Variants in NSD2 observed in about 807,000 individuals in gnomAD.
NSD2 encodes histone-lysine N-methyltransferase NSD2.
NSD2 carries 12 observed loss-of-function variants against 139.0 expected under a neutral mutation model. The ratio of observed to expected loss-of-function variants is 0.09; its 90% CI spans 0.06 to 0.14. The LOEUF (loss-of-function observed/expected upper bound fraction) is 0.14, where lower values mean the gene tolerates loss of function less well. Ranked by LOEUF, NSD2 falls within the 10% of genes least tolerant of loss-of-function variation. NSD2 has a pLI of 1.00. For synonymous variants in NSD2, 669 were observed against 648.7 expected (o/e 1.03, Z -0.48); for missense variants, 1,155 against 1,745.0 (o/e 0.66, Z 6.02).
At chr4:1,883,118 G>A (rs1714824689) in intron 1 of NSD2, among the ~76,000 whole-genome samples, 1 of 152,192 alleles carries the variant, frequency 6.6e-6, no homozygotes, top group African/African-American at 2.4e-5. Flanking sequence ...TCTGGTGCCA[G>A]TGATAGCCCT....
At chr4:1,906,621 G>A (rs529677725) in intron 3 of NSD2, among the ~76,000 whole-genome samples, 1 of 145,332 alleles carries the variant, frequency 6.9e-6, no homozygotes, top group East Asian at 2.1e-4. Flanking sequence ...CTGACATTCA[G>A]ATATACTGCC....
intron 6 of NSD2, 80 bp downstream of exon 6, chr4:1,930,850 G>T: frequency 6.7e-7 from 1 of 1,491,232 alleles, no homozygotes. Flanking sequence ...TCTTGGAACC[G>T]TAGGGAAGTG....
chr4:1,950,891 G>A (rs1041272127), intron 9 of NSD2, among the ~76,000 whole-genome samples, 181 bp from the exon 10 acceptor site: 3 of 152,250 alleles, frequency 2.0e-5, no homozygotes, highest in Admixed American at 2.0e-4. Flanking sequence ...CTAATTGACG[G>A]GTTATATTAT....
chr4:1,971,172 A>G (rs1263828184), intron 18 of NSD2, among the ~76,000 whole-genome samples: 1 of 152,162 alleles, frequency 6.6e-6, no homozygotes, highest in African/African-American at 2.4e-5. Context: ...CAGCCTGGGC[A>G]ACATAGGGAG....
intron 3 of NSD2, among the ~76,000 whole-genome samples, chr4:1,913,868 A>G (rs1363807167): frequency 6.6e-6 from 1 of 151,986 alleles, no homozygotes; most frequent in Non-Finnish European, 1.5e-5. Context: ...GTCTCCACAC[A>G]CGAGGAGAAA....
chr4:1,953,544 G>C lies in NSD2; in HGVS notation c.2338+20G>C, dbSNP rs760301543. ...CAAAAGGTACAGGTGCACCTGCGCAGCCTTGCTGTGGGTTCAGATGCAGGC... is the reference window on the plus strand; with the variant it reads ...CAAAAGGTACAGGTGCACCTGCGCACCCTTGCTGTGGGTTCAGATGCAGGC... On this transcript the variant is annotated intron_variant, in intron 12 of 21. Coordinates refer to ENST00000508803, the MANE Select transcript of NSD2 (RefSeq NM_001042424.3). 2 of 1,583,352 alleles carry C rather than the reference G, an allele frequency of 1.3e-6. No individual in the cohort carries two copies. The highest frequency in any genetic ancestry group is 1.7e-6 in the Non-Finnish European group (2 of 1,166,502).
chr4:1,906,636 T>G lies in NSD2; in HGVS notation c.760+2258T>G, dbSNP rs547346661. On this transcript the variant is annotated intron_variant, in intron 3 of 21. Transcript: ENST00000508803. ...CTGACATTCAGATATACTGCCATTTTTACTTCTCTCTCTCTCTCTTTTTTT... is the reference window on the plus strand; with the variant it reads ...CTGACATTCAGATATACTGCCATTTGTACTTCTCTCTCTCTCTCTTTTTTT... Among the ~76,000 whole-genome samples the G allele has an allele frequency of 1.8e-3, 276 of 151,740 alleles. 3 individuals are homozygous for G. The highest frequency in any genetic ancestry group is 3.0e-3 in the Admixed American group (45 of 15,204).
chr4:1,955,207 G>A lies in NSD2; in HGVS notation c.2385G>A (p.Gly795=). The A allele has an allele frequency of 6.2e-7, 1 of 1,614,110 alleles. No individual in the cohort carries two copies. The stretch of plus-strand genomic sequence containing the variant: ...GCTGCCCCGTTGCCTATCACAGCGG[G>A]GATGCTTGTCTGGCAGCAGGATGCT... ...CVRCPVAYHS[G]DACLAAGCSV... is the part of the protein sequence containing the mutation. Residue 795 remains glycine (G), a synonymous_variant, in exon 13 of 22, where the codon GGG becomes GGA. Coordinates refer to ENST00000508803, the MANE Select transcript of NSD2 (RefSeq NM_001042424.3). This position sits in a 1 kb window ranked among gnomAD's most constrained non-coding sequence, Gnocchi z 4.7.
intron 9 of NSD2, chr4:1,947,047 G>A (rs1723710248): frequency 1.9e-6 from 2 of 1,063,980 alleles, no homozygotes; most frequent in Non-Finnish European, 2.3e-6. Context: ...CGGCTGATGG[G>A]GGTTTGCTCA....
Position 1,980,441 on chromosome 4 carries a change from A to AAT in NSD2, c.*1532_*1533insAT, listed in dbSNP as rs1189311092. 4.3e-6 allele frequency: 1 copy of AAT among 232,938 alleles called. No individual in the cohort carries two copies. Among genetic ancestry groups the AAT allele is most frequent in the Non-Finnish European group, 8.5e-6 (1 of 117,974 alleles). The allele number at this position is 232,938 out of a possible 1,614,324, so 14.4% of individuals were successfully genotyped here. A position where few individuals can be genotyped will look rare whatever the true frequency, so the allele number is the denominator to read the frequency against. On this transcript the variant is annotated 3_prime_UTR_variant, in exon 22 of 22. Coordinates refer to ENST00000508803, the MANE Select transcript of NSD2 (RefSeq NM_001042424.3). The stretch of plus-strand genomic sequence containing the variant: ...CTTTTCTTAAAATAACCTAAGGGGG[A>AAT]CACATCCATCTTGCAGAGAAGTTTA...
chr4:1,901,500 A>G (rs1325321580), intron 2 of NSD2, among the ~76,000 whole-genome samples: 2 of 152,242 alleles, frequency 1.3e-5, no homozygotes, highest in Non-Finnish European at 2.9e-5. Flanking sequence ...TAAGTGTTCA[A>G]GATTCAAATG....
At chr4:1,878,243 ATATATATATTTTTTTTTTTTTTTTT>A (rs1714421114) in intron 1 of NSD2, among the ~76,000 whole-genome samples, 2 of 37,296 alleles carry the variant, frequency 5.4e-5, no homozygotes, top group African/African-American at 2.5e-4. Flanking sequence ...ATATATATAT[ATATATATATTTTTTTTTTTTTTTTT>A]TTTTTTTTTT....
rs1294388156 is a variant in NSD2, at chr4:1,948,049, G to T, written c.1882-3023G>T. The T allele has an allele frequency of 1.0e-5, 11 of 1,057,132 alleles. No individual in the cohort carries two copies. The highest frequency in any genetic ancestry group is 1.3e-5 in the Non-Finnish European group (11 of 874,030). The allele number at this position is 1,057,132 out of a possible 1,614,324, so 65.5% of individuals were successfully genotyped here. ...TGAAAAGTCCCTGTAATAGATCAAG[G>T]AGACTGCATTCCCTGCCCTGAAGGA... On this transcript the variant is annotated intron_variant, in intron 9 of 21. Coordinates refer to ENST00000508803, the MANE Select transcript of NSD2 (RefSeq NM_001042424.3). The surrounding 1 kb of genome is among the most constrained non-coding windows in gnomAD (Gnocchi z 4.5).
chr4:1,880,033 T>G (rs1406056972), intron 1 of NSD2, among the ~76,000 whole-genome samples: 6 of 152,122 alleles, frequency 3.9e-5, no homozygotes, highest in African/African-American at 1.4e-4. Flanking sequence ...CAAGTAGAGA[T>G]AGTTTTTGGG....
chr4:1,892,548 C>T (rs190277473), intron 1 of NSD2, among the ~76,000 whole-genome samples: 1 of 152,050 alleles, frequency 6.6e-6, no homozygotes, highest in East Asian at 1.9e-4. Flanking sequence ...TGTTCCTGTC[C>T]CCCTTAGAAA....
At chr4:1,917,176 C>A in intron 4 of NSD2, 139 bp downstream of exon 4, 2 of 940,568 alleles carry the variant, frequency 2.1e-6, no homozygotes, top group Non-Finnish European at 3.1e-6. Flanking sequence ...TGACTTTTGC[C>A]CAAGGATGCC....
intron 1 of NSD2, among the ~76,000 whole-genome samples, chr4:1,888,829 G>T (rs1715315275): frequency 1.3e-5 from 2 of 151,780 alleles, no homozygotes; most frequent in Admixed American, 1.3e-4. Context: ...GCCTCCCAAA[G>T]TACTGGGATT....
chr4:1,872,206 C>T (rs1011633018), intron 1 of NSD2, among the ~76,000 whole-genome samples: 8 of 152,196 alleles, frequency 5.3e-5, no homozygotes, highest in African/African-American at 1.7e-4. Flanking sequence ...CGGGGGTGAG[C>T]CGGGTGTGGG....
At chr4:1,888,087 GTTATC>G (rs1715250172) in intron 1 of NSD2, among the ~76,000 whole-genome samples, 1 of 152,048 alleles carries the variant, frequency 6.6e-6, no homozygotes. Context: ...TGGTCTGATA[GTTATC>G]TTAAAATATG....
Sources: gnomAD v4.1 joint callset for allele counts (sites outside exome capture counted in the v4.1 genomes callset) on GRCh38, gnomAD v4.1.1 for gene constraint, Gnocchi (gnomAD v3.1) non-coding constraint, MANE v1.5 for transcripts, NCBI Gene and HGNC (gene_info 2026-07-23, HGNC 2026-07-21) for gene names.